Variants in ABCG1 observed in about 807,000 individuals in gnomAD.
ABCG1 encodes the protein ATP-binding cassette sub-family G member 1.
Under a neutral mutation model 69.2 loss-of-function variants are expected in ABCG1, and 29 were observed. The ratio of observed to expected loss-of-function variants is 0.42; its 90% confidence interval spans 0.31 to 0.57. ABCG1 has a LOEUF of 0.57. ABCG1 is among the 20% of genes least tolerant of loss of function. The pLI is 0.15. For missense variants in ABCG1, 718 were observed against 898.1 expected (o/e 0.80, Z 2.56); for synonymous variants, 370 against 374.8 (o/e 0.99, Z 0.15).
chr21:42,229,012 C>T (rs1346141317), intron 2 of ABCG1, among the ~76,000 whole-genome samples: 1 of 152,228 alleles, frequency 6.6e-6, no homozygotes, highest in Non-Finnish European at 1.5e-5. Context: ...TCCTGGTCCG[C>T]CTCTGCGCCT....
upstream of ABCG1, chr21:42,219,132 T>TCCCAGCCGGAG: frequency 1.2e-6 from 1 of 867,136 alleles, no homozygotes; most frequent in Non-Finnish European, 1.5e-6. The surrounding 1 kb of genome is among the most constrained non-coding windows in gnomAD (Gnocchi z 5.3). Flanking sequence ...CGGAGCCGGA[T>TCCCAGCCGGAG]CCCAGCCGGA....
chr21:42,282,146 C>T, intron 5 of ABCG1, 128 bp from the exon 6 acceptor site: 8 of 1,330,600 alleles, frequency 6.0e-6, no homozygotes, highest in Non-Finnish European at 8.2e-6. Context: ...ACTTGCGTGG[C>T]CTCCACGTGG....
intron 6 of ABCG1, among the ~76,000 whole-genome samples, chr21:42,282,697 C>G (rs956544809): frequency 3.3e-5 from 5 of 152,254 alleles, no homozygotes; most frequent in Non-Finnish European, 7.3e-5. Context: ...TTCCATGACA[C>G]CAAGTTCCCC....
In ABCG1 at chr21:42,282,315, C is replaced by G. The variant is rs2068825482; in HGVS notation, c.630C>G (p.Ala210=). The G allele has an allele frequency of 6.2e-7, 1 of 1,613,218 alleles. No individual in the cohort carries two copies. The highest frequency in any genetic ancestry group is 2.2e-5 in the East Asian group (1 of 44,876). Residue 210 remains alanine, a synonymous_variant, in exon 6 of 15, where the codon GCC becomes GCG. Transcript: ENST00000398449. ...ILTALGLLSC[A]NTRTGSLSGG... ...CAGCGCTGGGCTTGCTGTCTTGCGC[C>G]AACACGCGGACCGGGAGCCTGTCAG...
At chr21:42,221,752 A>G (rs1601347100) in intron 1 of ABCG1, among the ~76,000 whole-genome samples, 1 of 152,292 alleles carries the variant, frequency 6.6e-6, no homozygotes, top group East Asian at 1.9e-4. Flanking sequence ...CTGCGTGCTA[A>G]CTGTGCTGCT....
At position 42,291,109 on chromosome 21, in the gene ABCG1, G is replaced by A. The variant is rs2069049419; in HGVS notation, c.1411G>A (p.Val471Ile). The change falls in exon 12 of 15, where the codon GTC (valine) becomes ATC (isoleucine). Residue 471 changes from valine to isoleucine, a missense_variant. Val to Ile is a conservative substitution (Grantham distance 29). Transcript: ENST00000398449. The surrounding 1 kb of genome is among the most constrained non-coding windows in gnomAD (Gnocchi z 6.4). Reference protein sequence around the residue: ...TVLTFPLEMGVFLREHLNYWY... With the variant: ...TVLTFPLEMGIFLREHLNYWY... ...TCTCCTAGTTCCCCTGGAGATGGGAGTCTTTCTTCGGGAACACCTGAACTA... is the reference window on the plus strand; with the variant it reads ...TCTCCTAGTTCCCCTGGAGATGGGAATCTTTCTTCGGGAACACCTGAACTA... The A allele has an allele frequency of 1.2e-6, 2 of 1,614,092 alleles. No homozygotes were observed. The highest frequency in any genetic ancestry group is 2.2e-5 in the South Asian group (2 of 91,076).
chr21:42,280,143 C>T (rs2068781409), intron 5 of ABCG1, among the ~76,000 whole-genome samples: 1 of 152,216 alleles, frequency 6.6e-6, no homozygotes, highest in South Asian at 2.1e-4. Flanking sequence ...CCCAGCTGTT[C>T]CTCAGCCATG....
chr21:42,290,956 CTGTT>C, intron 11 of ABCG1, 132 bp from the exon 12 acceptor site: 2 of 642,708 alleles, frequency 3.1e-6, no homozygotes, highest in East Asian at 2.7e-5. Context: ...AACACATCCT[CTGTT>C]TGTTCAATCT....
intron 2 of ABCG1, among the ~76,000 whole-genome samples, chr21:42,253,758 G>T (rs535783102): frequency 6.6e-6 from 1 of 152,154 alleles, no homozygotes; most frequent in African/African-American, 2.4e-5. Flanking sequence ...GGGTGAGATC[G>T]ATGGACCTGC....
intron 2 of ABCG1, chr21:42,259,282 C>T (rs1225385572): frequency 9.2e-6 from 14 of 1,521,088 alleles, no homozygotes; most frequent in Non-Finnish European, 1.2e-5. Flanking sequence ...CTGTGCTCTG[C>T]CTGAGTTTGT....
chr21:42,206,457 C>G (rs979304271), intron 2 of ABCG1, among the ~76,000 whole-genome samples: 2 of 152,156 alleles, frequency 1.3e-5, no homozygotes, highest in African/African-American at 4.8e-5. Flanking sequence ...CTCTGTGGCC[C>G]AGAATATGGT....
In ABCG1 at chr21:42,273,881, T is replaced by C. The variant is rs2068662869; in HGVS notation, c.537+446T>C. Among the ~76,000 whole-genome samples the C allele has an allele frequency of 6.6e-6, 1 of 152,186 alleles. No individual in the cohort carries two copies. The highest frequency in any genetic ancestry group is 2.1e-4 in the South Asian group (1 of 4,832). On this transcript the variant is annotated intron_variant, in intron 4 of 14. Transcript: ENST00000398449. The surrounding 1 kb of genome is among the most constrained non-coding windows in gnomAD (Gnocchi z 5.3). ...CAAGGGTCTATTCCTCTGACTCACCTGCCTCCCAGGTGGGAAAATGAAACC... is the reference window on the plus strand; with the variant it reads ...CAAGGGTCTATTCCTCTGACTCACCCGCCTCCCAGGTGGGAAAATGAAACC...
intron 5 of ABCG1, among the ~76,000 whole-genome samples, chr21:42,279,907 G>A (rs1049916519): frequency 6.6e-6 from 1 of 152,216 alleles, no homozygotes; most frequent in Non-Finnish European, 1.5e-5. Flanking sequence ...GTGTCCTCGT[G>A]GTGCCTGGGC....
At chr21:42,294,466 G>A in intron 13 of ABCG1, 76 bp from the exon 14 acceptor site, 1 of 1,172,232 alleles carries the variant, frequency 8.5e-7, no homozygotes, top group African/African-American at 1.5e-5. Context: ...GGGGGAAGCT[G>A]GCGTGGGCGA....
chr21:42,252,436 G>A (rs186567476), intron 2 of ABCG1, among the ~76,000 whole-genome samples: 40 of 152,246 alleles, frequency 2.6e-4, no homozygotes, highest in East Asian at 5.8e-4. Context: ...GGCCAAGTGC[G>A]AGCCAGTGTG....
rs558008801 is a variant in ABCG1 at position 42,201,585 on chromosome 21, C to T, written c.-91C>T. Reference sequence around the variant, plus strand: ...CTTCCACTCCACCACAGCGCTACACCAACCTGAACTTCGCTTCCTGAGACC... The same window carrying T: ...CTTCCACTCCACCACAGCGCTACACTAACCTGAACTTCGCTTCCTGAGACC... On this transcript the variant is annotated 5_prime_UTR_variant, in exon 2 of 16. Transcript: ENST00000398457. 909 of 1,542,134 alleles carry T rather than the reference C, an allele frequency of 5.9e-4. 1 individual carries two copies. The highest frequency in any genetic ancestry group is 1.4e-3 in the South Asian group (119 of 83,646).
intron 2 of ABCG1, among the ~76,000 whole-genome samples, chr21:42,264,174 C>T (rs564386183): frequency 6.6e-6 from 1 of 152,302 alleles, no homozygotes; most frequent in East Asian, 1.9e-4. Flanking sequence ...GGAGGAGCAG[C>T]TTCATTCCAG....
intron 7 of ABCG1, among the ~76,000 whole-genome samples, chr21:42,285,345 A>G (rs2068919960): frequency 6.6e-6 from 1 of 152,064 alleles, no homozygotes; most frequent in African/African-American, 2.4e-5. Context: ...AAAAGAAAAA[A>G]AAATACAAAA....
In ABCG1 at chr21:42,219,382, C is replaced by G. The variant is rs2067684377; in HGVS notation, c.42+78C>G. The G allele has an allele frequency of 4.5e-6, 7 of 1,542,038 alleles. No homozygotes were observed. The Admixed American group carries it at 1.3e-4, about 29-fold the overall frequency. On this transcript the variant is annotated intron_variant, in intron 1 of 14. Transcript: ENST00000398449. The surrounding 1 kb of genome is among the most constrained non-coding windows in gnomAD (Gnocchi z 5.3). The stretch of plus-strand genomic sequence containing the variant: ...CAGGAAACACACAAAGACTCGCAAG[C>G]TCGACCTGACACCCCTCCCAGGAGC...
Sources: gnomAD v4.1 joint callset for allele counts (sites outside exome capture counted in the v4.1 genomes callset) on GRCh38, gnomAD v4.1.1 for gene constraint, Gnocchi (gnomAD v3.1) non-coding constraint, MANE v1.5 for transcripts, NCBI Gene and HGNC (gene_info 2026-07-23, HGNC 2026-07-21) for gene names.